The following ANGPT2 variants were observed in gnomAD, a reference collection of about 807,000 sequenced individuals.
The protein encoded by ANGPT2 is angiopoietin 2, also known as angiopoietin-2.
A neutral mutation model predicts 62.9 loss-of-function variants in ANGPT2; 28 were observed. The observed-to-expected ratio is 0.44, with a 90% CI of 0.33 to 0.61. The LOEUF (loss-of-function observed/expected upper bound fraction) is 0.61. Among genes scored for constraint, ANGPT2 ranks in the 20% least tolerant of loss-of-function variants. The pLI is 0.03. For missense variants in ANGPT2, 727 were observed against 594.9 expected, an observed-to-expected ratio of 1.22 and a Z score of -2.31; for synonymous variants, 284 against 207.8, an observed-to-expected ratio of 1.37 and a Z score of -3.15.
At chr8:6,522,204 A>C (rs1586333312) in intron 3 of ANGPT2, among the ~76,000 whole-genome samples, 1 of 151,902 alleles carries the variant, frequency 6.6e-6, no homozygotes, top group Admixed American at 6.6e-5. Context: ...AAATACAAAA[A>C]ATTCTCCAGG....
chr8:6,522,126 C>A (rs1164412407), intron 3 of ANGPT2, among the ~76,000 whole-genome samples: 2 of 152,110 alleles, frequency 1.3e-5, no homozygotes, highest in Non-Finnish European at 2.9e-5. Context: ...GAGGCCGAGG[C>A]GGGCGGATCA....
chr8:6,555,824 C>G (rs749436691), intron 1 of ANGPT2, among the ~76,000 whole-genome samples: 12 of 152,178 alleles, frequency 7.9e-5, no homozygotes, highest in Non-Finnish European at 1.5e-4. Context: ...ACCAATTGCA[C>G]CAATTCTATT....
intron 2 of ANGPT2, among the ~76,000 whole-genome samples, chr8:6,530,182 T>G (rs1819199501): frequency 6.6e-6 from 1 of 152,066 alleles, no homozygotes; most frequent in South Asian, 2.1e-4. Flanking sequence ...CATTACTAAT[T>G]TATTTTAATA....
At chr8:6,547,217 A>C (rs958204464) in intron 1 of ANGPT2, among the ~76,000 whole-genome samples, 1 of 151,998 alleles carries the variant, frequency 6.6e-6, no homozygotes, top group African/African-American at 2.4e-5. Flanking sequence ...TTATACAGAA[A>C]AGTCAAATTT....
At chr8:6,508,604 C>T in intron 8 of ANGPT2, 1 of 464,136 alleles carries the variant, frequency 2.2e-6, no homozygotes, top group East Asian at 3.5e-5. Context: ...TTACATAAAG[C>T]AAAATGTAAT....
chr8:6,532,739 T>G (rs1420236796), intron 1 of ANGPT2, among the ~76,000 whole-genome samples: 2 of 152,232 alleles, frequency 1.3e-5, no homozygotes, highest in African/African-American at 4.8e-5. Context: ...TACTGGTTGC[T>G]TCTGTGTTCT....
intron 1 of ANGPT2, among the ~76,000 whole-genome samples, chr8:6,540,650 A>G (rs936804378): frequency 1.3e-5 from 2 of 152,250 alleles, no homozygotes; most frequent in Non-Finnish European, 2.9e-5. Flanking sequence ...GCAGCTTACA[A>G]TGACAAAATG....
chr8:6,509,265 T>G (rs1310337437), intron 7 of ANGPT2, among the ~76,000 whole-genome samples: 1 of 152,210 alleles, frequency 6.6e-6, no homozygotes, highest in South Asian at 2.1e-4. Flanking sequence ...AGAGGGATGT[T>G]TTCATGAAAC....
chr8:6,542,580 G>T (rs1821810758), intron 1 of ANGPT2, among the ~76,000 whole-genome samples: 1 of 149,724 alleles, frequency 6.7e-6, no homozygotes, highest in South Asian at 2.1e-4. Flanking sequence ...TCGCTGTACT[G>T]ATATGCCTAT....
rs1813285609 is a variant in ANGPT2, at chr8:6,505,382, T to TTTATATACATAAAGAATATATATA, written c.1328-2122_1328-2121insTATATATATTCTTTATGTATATAA. On this transcript the variant is annotated intron_variant, in intron 8 of 8. Transcript: ENST00000629816. ...ATATGTATATAGAATATATATATTCTTTCTATATGTATATAGAATATATAT... is the reference window on the plus strand; with the variant it reads ...ATATGTATATAGAATATATATATTCTTTATATACATAAAGAATATATATATTCTATATGTATATAGAATATATAT... Among the ~76,000 whole-genome samples the TTTATATACATAAAGAATATATATA allele has an allele frequency of 2.2e-4, 13 of 59,404 alleles. 1 individual carries two copies. Among genetic ancestry groups the TTTATATACATAAAGAATATATATA allele is most frequent in the African/African-American group, 6.5e-4 (12 of 18,548 alleles). 39.0% of individuals were successfully genotyped at this position (59,404 alleles called of 152,430 possible).
Position 6,519,900 on chromosome 8 carries a change from G to A in ANGPT2, c.891C>T (p.Tyr297=). Residue 297 remains tyrosine, a synonymous_variant, in exon 5 of 9, where the codon TAC becomes TAT. Coordinates refer to ENST00000629816, the MANE Select transcript of ANGPT2 (RefSeq NM_001118887.2). ...CTGTAGAATTAGGGAATGTTAACGT[G>A]TAGATGCCATTCGTGGTGTGTCCTG... ...FKSGHTTNGI[Y]TLTFPNSTEE... 3 of 1,614,086 alleles carry A rather than the reference G, an allele frequency of 1.9e-6. No homozygotes were observed. The highest frequency in any genetic ancestry group is 2.5e-6 in the Non-Finnish European group (3 of 1,179,964).
chr8:6,516,941 C>G (rs1012641257), intron 5 of ANGPT2, among the ~76,000 whole-genome samples: 1 of 152,128 alleles, frequency 6.6e-6, no homozygotes, highest in East Asian at 1.9e-4. Flanking sequence ...TGAGTATTCG[C>G]TTTGATTCCA....
At chr8:6,543,085 G>A (rs1821903146) in intron 1 of ANGPT2, among the ~76,000 whole-genome samples, 1 of 152,056 alleles carries the variant, frequency 6.6e-6, no homozygotes, top group Admixed American at 6.6e-5. Flanking sequence ...CACTGCCTCT[G>A]GACAGAAACC....
chr8:6,531,176 C>G (rs1819436638), intron 2 of ANGPT2, among the ~76,000 whole-genome samples: 1 of 151,808 alleles, frequency 6.6e-6, no homozygotes, highest in African/African-American at 2.4e-5. Flanking sequence ...CTTTCCCACC[C>G]AGGCCGTTCG....
rs114338275 is a variant in ANGPT2 at position 6,508,820 on chromosome 8, T to C, written c.1327+112A>G. The C allele has an allele frequency of 1.2e-3, 1,763 of 1,458,612 alleles. 15 individuals carry two copies. In the African/African-American group the frequency reaches 0.023, roughly 19 times the overall value. 90.4% of individuals were successfully genotyped at this position (1,458,612 alleles called of 1,614,324 possible). A position where few individuals can be genotyped will look rare whatever the true frequency, so the allele number is the denominator to read the frequency against. On this transcript the variant is annotated intron_variant, in intron 8 of 8. Coordinates refer to ENST00000629816, the MANE Select transcript of ANGPT2 (RefSeq NM_001118887.2). The stretch of plus-strand genomic sequence containing the variant: ...TATATCAAGCTAGTGTGTCTACGTA[T>C]GAAATTGTGGACATCGTTACAAATC...
intron 1 of ANGPT2, among the ~76,000 whole-genome samples, chr8:6,539,387 G>A (rs1163872571): frequency 6.6e-6 from 1 of 152,182 alleles, no homozygotes; most frequent in Non-Finnish European, 1.5e-5. Flanking sequence ...CCTAGAAGTT[G>A]AGGCAAAAGC....
intron 3 of ANGPT2, among the ~76,000 whole-genome samples, chr8:6,525,446 T>A (rs1453407997): frequency 1.3e-5 from 2 of 152,230 alleles, no homozygotes; most frequent in African/African-American, 4.8e-5. Context: ...CCCTGGCTAG[T>A]CTCAAACTCC....
intron 1 of ANGPT2, among the ~76,000 whole-genome samples, chr8:6,549,854 T>C (rs1424378463): frequency 6.6e-6 from 1 of 152,178 alleles, no homozygotes; most frequent in Non-Finnish European, 1.5e-5. Flanking sequence ...ATTTGTGAAT[T>C]TTATTCTGTG....
At chr8:6,509,469 GC>G (rs1288471218) in intron 7 of ANGPT2, among the ~76,000 whole-genome samples, 1 of 152,180 alleles carries the variant, frequency 6.6e-6, no homozygotes, top group Non-Finnish European at 1.5e-5. Context: ...TCCGCAGGGG[GC>G]CCCGGGGGGG....
Sources: allele counts gnomAD v4.1 joint callset (sites outside exome capture counted in the v4.1 genomes callset), GRCh38; gene constraint gnomAD v4.1.1; transcripts MANE v1.5; gene names NCBI Gene and HGNC (gene_info 2026-07-23, HGNC 2026-07-21).